AKAP6: variants seen among roughly 807,000 people sequenced by gnomAD.
AKAP6 encodes A-kinase anchor protein 6.
In AKAP6, 58 loss-of-function variants were observed where a neutral mutation model predicts 188.5. The observed-to-expected ratio is 0.31, with a 90% confidence interval of 0.25 to 0.38. AKAP6 has a LOEUF of 0.38. AKAP6 is among the 10% of genes least tolerant of loss of function. The pLI, the probability that AKAP6 is intolerant of heterozygous loss-of-function variation, is 1.00. For missense variants in AKAP6, 2,710 were observed against 2,740.0 expected (o/e 0.99, Z 0.24); for synonymous variants, 989 against 998.6 (o/e 0.99, Z 0.18).
At chr14:32,402,599 T>G (rs1228234239) in intron 1 of AKAP6, among the ~76,000 whole-genome samples, 1 of 152,198 alleles carries the variant, frequency 6.6e-6, no homozygotes, top group Non-Finnish European at 1.5e-5. Flanking sequence ...CTTGTCTTAT[T>G]TTGCAAACTT....
intron 7 of AKAP6, among the ~76,000 whole-genome samples, chr14:32,678,061 CAG>C (rs1889507908): frequency 6.6e-6 from 1 of 152,128 alleles, no homozygotes; most frequent in Non-Finnish European, 1.5e-5. Flanking sequence ...ATTATGATCT[CAG>C]GGATATTTTG....
chr14:32,710,300 T>C (rs1412277175), intron 9 of AKAP6, among the ~76,000 whole-genome samples: 2 of 152,026 alleles, frequency 1.3e-5, no homozygotes, highest in African/African-American at 4.8e-5. Context: ...TGTTTTTGGC[T>C]CACATTCCAT....
chr14:32,520,226 T>C (rs1204957276), intron 2 of AKAP6, among the ~76,000 whole-genome samples: 1 of 152,170 alleles, frequency 6.6e-6, no homozygotes, highest in Non-Finnish European at 1.5e-5. Flanking sequence ...TAGCACTAAA[T>C]GCCCACAAGA....
chr14:32,729,186 T>G (rs767714578), intron 9 of AKAP6, among the ~76,000 whole-genome samples: 20 of 152,276 alleles, frequency 1.3e-4, no homozygotes, highest in East Asian at 1.9e-4. Context: ...AAATGGCTTA[T>G]TCTTCTGGTT....
chr14:32,662,031 G>A (rs185825370), intron 7 of AKAP6, among the ~76,000 whole-genome samples: 44 of 152,140 alleles, frequency 2.9e-4, no homozygotes, highest in Non-Finnish European at 4.6e-4. Context: ...CTAGTGAACA[G>A]TGAACTGAAG....
At chr14:32,422,037 C>G (rs1207651102) in intron 1 of AKAP6, among the ~76,000 whole-genome samples, 1 of 152,194 alleles carries the variant, frequency 6.6e-6, no homozygotes, top group African/African-American at 2.4e-5. Flanking sequence ...AACCTCCAGT[C>G]TTCTGTCTGA....
intron 1 of AKAP6, among the ~76,000 whole-genome samples, chr14:32,375,518 CT>C (rs1232828195): frequency 6.8e-6 from 1 of 147,830 alleles, no homozygotes; most frequent in African/African-American, 2.5e-5. Flanking sequence ...AAAAAAGTGG[CT>C]AAAGGAATTC....
Position 32,823,003 on chromosome 14 carries a change from C to T in AKAP6, c.5190C>T (p.Ser1730=), listed in dbSNP as rs770674065. 25 of 1,613,716 alleles carry T rather than the reference C, an allele frequency of 1.5e-5. No homozygotes were observed. The highest frequency in any genetic ancestry group is 5.5e-5 in the South Asian group (5 of 91,084). ...KRLTRSVADE[S]DVNVSMIVNV... is the part of the protein sequence containing the mutation. ...TGACTCGTTCAGTGGCTGATGAAAGCGATGTCAATGTCAGCATGATTGTTA... is the reference window on the plus strand; with the variant it reads ...TGACTCGTTCAGTGGCTGATGAAAGTGATGTCAATGTCAGCATGATTGTTA... The change falls in exon 13 of 14, where the codon AGC becomes AGT. Residue 1730 remains serine (S), a synonymous_variant. Coordinates refer to ENST00000280979, the MANE Select transcript of AKAP6 (RefSeq NM_004274.5).
intron 1 of AKAP6, among the ~76,000 whole-genome samples, chr14:32,374,229 A>G (rs2138528501): frequency 6.7e-6 from 1 of 149,784 alleles, no homozygotes; most frequent in South Asian, 2.1e-4. Flanking sequence ...GTTGGGAAAA[A>G]CACATACGTA....
At chr14:32,536,388 A>C (rs1212879134) in intron 3 of AKAP6, among the ~76,000 whole-genome samples, 1 of 152,202 alleles carries the variant, frequency 6.6e-6, no homozygotes, top group Non-Finnish European at 1.5e-5. Context: ...AAATACCCAG[A>C]GATAAGAAAG....
At chr14:32,630,162 C>T (rs541425229) in intron 7 of AKAP6, among the ~76,000 whole-genome samples, 37 of 152,156 alleles carry the variant, frequency 2.4e-4, no homozygotes, top group East Asian at 5.8e-4. Context: ...CAATTTAACA[C>T]GTAGACGTTT....
chr14:32,740,383 C>T (rs1173168931), intron 11 of AKAP6, among the ~76,000 whole-genome samples: 2 of 151,976 alleles, frequency 1.3e-5, no homozygotes, highest in African/African-American at 4.8e-5. Context: ...TTGATATGAT[C>T]TCATTTGTCC....
intron 8 of AKAP6, among the ~76,000 whole-genome samples, chr14:32,687,435 TCTCTCTTTCTC>T (rs1566647334): frequency 2.5e-4 from 35 of 138,846 alleles, no homozygotes; most frequent in African/African-American, 1.0e-3. Flanking sequence ...TCTCTCTCTC[TCTCTCTTTCTC>T]TCTTTCTCTT....
intron 2 of AKAP6, among the ~76,000 whole-genome samples, chr14:32,490,031 C>T (rs1233191150): frequency 6.6e-6 from 1 of 151,124 alleles, no homozygotes; most frequent in Non-Finnish European, 1.5e-5. Context: ...GTGGATCTCA[C>T]AAAGTACATT....
At chr14:32,578,040 C>G (rs1216401477) in intron 5 of AKAP6, among the ~76,000 whole-genome samples, 2 of 152,008 alleles carry the variant, frequency 1.3e-5, no homozygotes, top group Non-Finnish European at 2.9e-5. Flanking sequence ...ATAAAATTGA[C>G]AAAGGCAATG....
rs540575913 is a variant in AKAP6 at position 32,421,209 on chromosome 14, G to A, written c.-34-12251G>A. On this transcript the variant is annotated intron_variant, in intron 1 of 13. Transcript: ENST00000280979. ...GTGTCTATTTTTAGTGCACTAGGCA[G>A]GTCTTTTAAATTTGGCAACTCATGT... Among the ~76,000 whole-genome samples the A allele has an allele frequency of 4.6e-5, 7 of 152,034 alleles. No individual in the cohort carries two copies. The East Asian group carries it at 1.4e-3, about 29-fold the overall frequency.
chr14:32,350,934 G>A (rs900219468), intron 1 of AKAP6, among the ~76,000 whole-genome samples: 4 of 152,016 alleles, frequency 2.6e-5, no homozygotes, highest in Admixed American at 2.0e-4. Flanking sequence ...TTTGGCATAT[G>A]TTTTCCCAGA....
intron 4 of AKAP6, among the ~76,000 whole-genome samples, chr14:32,570,846 C>G (rs2139242359): frequency 6.6e-6 from 1 of 152,270 alleles, no homozygotes; most frequent in East Asian, 1.9e-4. Context: ...CCAAATTAAT[C>G]CTCATTTAGT....
At chr14:32,542,764 T>C (rs993274746) in intron 3 of AKAP6, among the ~76,000 whole-genome samples, 1 of 152,220 alleles carries the variant, frequency 6.6e-6, no homozygotes, top group African/African-American at 2.4e-5. Context: ...AAGGCCTCTT[T>C]GGGCCTGGCC....
Sources: allele counts gnomAD v4.1 joint callset (sites outside exome capture counted in the v4.1 genomes callset), GRCh38; gene constraint gnomAD v4.1.1; transcripts MANE v1.5; gene names NCBI Gene and HGNC (gene_info 2026-07-23, HGNC 2026-07-21).